The following EPB41L2 variants were observed in gnomAD, a reference collection of about 807,000 sequenced individuals.
The protein encoded by EPB41L2 is band 4.1-like protein 2.
A neutral mutation model predicts 113.0 loss-of-function variants in EPB41L2; 43 were observed. The ratio of observed to expected loss-of-function variants is 0.38; its 90% CI spans 0.30 to 0.49. The LOEUF (loss-of-function observed/expected upper bound fraction) is 0.49. Among genes scored for constraint, EPB41L2 ranks in the 20% least tolerant of loss-of-function variants. The pLI, the probability that EPB41L2 is intolerant of heterozygous loss-of-function variation, is 0.95. For synonymous variants in EPB41L2, 442 were observed against 436.7 expected, an observed-to-expected ratio of 1.01 and a Z score of -0.15; for missense variants, 1,147 against 1,223.4, an observed-to-expected ratio of 0.94 and a Z score of 0.93.
chr6:130,884,558 T>C (rs1204459758), intron 12 of EPB41L2, among the ~76,000 whole-genome samples: 1 of 152,194 alleles, frequency 6.6e-6, no homozygotes, highest in Non-Finnish European at 1.5e-5. Flanking sequence ...GAACACAATA[T>C]GGGTTACTTC....
At chr6:130,991,031 A>G (rs1378145380) in intron 1 of EPB41L2, among the ~76,000 whole-genome samples, 1 of 151,896 alleles carries the variant, frequency 6.6e-6, no homozygotes, top group East Asian at 1.9e-4. Flanking sequence ...GAGTTTCACC[A>G]TGTTATCCAG....
intron 8 of EPB41L2, among the ~76,000 whole-genome samples, chr6:130,896,712 A>G (rs1794779873): frequency 6.6e-6 from 1 of 152,232 alleles, no homozygotes; most frequent in African/African-American, 2.4e-5. Context: ...GAAAGAGGAA[A>G]AGGCAGGCCT....
intron 10 of EPB41L2, 65 bp from the exon 11 acceptor site, chr6:130,890,531 T>C: frequency 6.6e-7 from 1 of 1,524,604 alleles, no homozygotes; most frequent in Non-Finnish European, 8.8e-7. Context: ...CTTTACGGAA[T>C]TTTTTAAAAA....
At chr6:131,016,821 A>G (rs943167259) in intron 1 of EPB41L2, among the ~76,000 whole-genome samples, 1 of 148,910 alleles carries the variant, frequency 6.7e-6, no homozygotes, top group Non-Finnish European at 1.5e-5. Context: ...CTAAAAGAAA[A>G]AAAAAAAGCA....
intron 19 of EPB41L2, among the ~76,000 whole-genome samples, chr6:130,848,040 T>C (rs1777549921): frequency 6.6e-6 from 1 of 152,068 alleles, no homozygotes; most frequent in Non-Finnish European, 1.5e-5. Flanking sequence ...GGAAGGTTAG[T>C]GGGAATCAAA....
chr6:130,967,045 C>T (rs143057215), intron 1 of EPB41L2, among the ~76,000 whole-genome samples: 15 of 152,240 alleles, frequency 9.9e-5, no homozygotes, highest in African/African-American at 3.4e-4. Context: ...TTTAGTGCAG[C>T]AACATTTTTT....
intron 1 of EPB41L2, among the ~76,000 whole-genome samples, chr6:131,053,174 G>T (rs1796902957): frequency 6.6e-6 from 1 of 151,822 alleles, no homozygotes; most frequent in Non-Finnish European, 1.5e-5. Context: ...GGGATTACAG[G>T]CATGAATCAC....
intron 1 of EPB41L2, among the ~76,000 whole-genome samples, chr6:131,029,371 A>C (rs980674791): frequency 1.4e-4 from 17 of 122,890 alleles, no homozygotes; most frequent in African/African-American, 3.5e-4. Flanking sequence ...TATCACACCC[A>C]CCCTACTTCA....
At chr6:130,959,164 G>A (rs1357092695) in intron 1 of EPB41L2, among the ~76,000 whole-genome samples, 1 of 152,194 alleles carries the variant, frequency 6.6e-6, no homozygotes, top group African/African-American at 2.4e-5. Flanking sequence ...CCAGGTCAAG[G>A]AAGACTAGGG....
intron 1 of EPB41L2, among the ~76,000 whole-genome samples, chr6:131,061,181 G>T (rs940307397): frequency 6.6e-6 from 1 of 152,082 alleles, no homozygotes; most frequent in African/African-American, 2.4e-5. Context: ...GAAAGAAACC[G>T]TCCCTTCCCG....
At chr6:130,899,011 A>G (rs768345035) in intron 8 of EPB41L2, among the ~76,000 whole-genome samples, 6 of 152,084 alleles carry the variant, frequency 3.9e-5, no homozygotes, top group Non-Finnish European at 8.8e-5. Flanking sequence ...CAAAGTACAA[A>G]ACACACCTAC....
chr6:130,976,482 A>G (rs1237206727), intron 1 of EPB41L2, among the ~76,000 whole-genome samples: 2 of 149,666 alleles, frequency 1.3e-5, no homozygotes, highest in African/African-American at 2.4e-5. Flanking sequence ...TGTAATGTTG[A>G]AAAGTACTGT....
chr6:130,922,786 G>T (rs1803298631), intron 4 of EPB41L2, among the ~76,000 whole-genome samples: 1 of 151,998 alleles, frequency 6.6e-6, no homozygotes, highest in Non-Finnish European at 1.5e-5. Context: ...TTAAAAACAA[G>T]TAAGTTACAA....
intron 14 of EPB41L2, among the ~76,000 whole-genome samples, chr6:130,873,465 GGTT>G (rs1786433802): frequency 6.8e-6 from 1 of 146,156 alleles, no homozygotes; most frequent in South Asian, 2.1e-4. Context: ...CCACTATTCA[GGTT>G]TTTTTTTTTT....
intron 11 of EPB41L2, among the ~76,000 whole-genome samples, chr6:130,889,679 A>G (rs1050897897): frequency 6.6e-6 from 1 of 152,174 alleles, no homozygotes; most frequent in African/African-American, 2.4e-5. Flanking sequence ...ATACGAAAAA[A>G]TCCTTAGAAT....
At chr6:130,842,749 A>G (rs1460965827) in intron 19 of EPB41L2, among the ~76,000 whole-genome samples, 2 of 152,250 alleles carry the variant, frequency 1.3e-5, no homozygotes, top group Non-Finnish European at 2.9e-5. Context: ...ACAGGAAACT[A>G]AGCATATGTT....
At chr6:131,055,595 T>C (rs1490663791) in intron 1 of EPB41L2, among the ~76,000 whole-genome samples, 2 of 152,190 alleles carry the variant, frequency 1.3e-5, no homozygotes, top group Admixed American at 1.3e-4. Flanking sequence ...AAACTTCAAC[T>C]TCTACTGAGT....
In EPB41L2 at chr6:130,896,592, T is replaced by C. The variant is rs560221569; in HGVS notation, c.1237-1473A>G. Among the ~76,000 whole-genome samples, 6 of 152,364 alleles carry C rather than the reference T, an allele frequency of 3.9e-5. No individual in the cohort carries two copies. In the South Asian group the frequency reaches 1.2e-3, roughly 32 times the overall value. On this transcript the variant is annotated intron_variant, in intron 8 of 19. Transcript: ENST00000337057. Reference sequence around the variant, plus strand: ...GAAGCTATTTTATCTGACTTAAAAATAGACACAACGCAGATTCAAGTAAAT... The same window carrying C: ...GAAGCTATTTTATCTGACTTAAAAACAGACACAACGCAGATTCAAGTAAAT...
intron 18 of EPB41L2, among the ~76,000 whole-genome samples, chr6:130,862,676 G>A (rs3777432): frequency 0.11 from 16,688 of 152,174 alleles, 1,180 homozygotes; most frequent in South Asian, 0.19. Flanking sequence ...AGTACATTAC[G>A]AATATGTAAG....
Sources: allele counts gnomAD v4.1 joint callset (sites outside exome capture counted in the v4.1 genomes callset), GRCh38; gene constraint gnomAD v4.1.1; transcripts MANE v1.5; gene names NCBI Gene and HGNC (gene_info 2026-07-23, HGNC 2026-07-21).